PTPRD: variants seen among roughly 807,000 people sequenced by gnomAD.
The protein encoded by PTPRD is protein tyrosine phosphatase receptor type D.
PTPRD carries 34 observed loss-of-function variants against 214.5 expected under a neutral mutation model. The observed-to-expected ratio is 0.16, with a 90% CI of 0.12 to 0.21. The LOEUF is 0.21. Among genes scored for constraint, PTPRD ranks in the 10% least tolerant of loss-of-function variants. The probability of loss-of-function intolerance (pLI) is 1.00; values close to 1 mark genes in which losing one functional copy is unlikely to be tolerated. For missense variants in PTPRD, 2,545 were observed against 2,398.7 expected (o/e 1.06, Z -1.27); for synonymous variants, 1,128 against 845.7 (o/e 1.33, Z -5.79).
intron 6 of PTPRD, among the ~76,000 whole-genome samples, chr9:9,743,493 G>C (rs1204134523): frequency 6.6e-6 from 1 of 152,052 alleles, no homozygotes; most frequent in African/African-American, 2.4e-5. Flanking sequence ...ACTCAAGTGA[G>C]GGCTTAATAT....
At chr9:9,450,651 T>G (rs1372500285) in intron 8 of PTPRD, among the ~76,000 whole-genome samples, 1 of 151,864 alleles carries the variant, frequency 6.6e-6, no homozygotes. Flanking sequence ...ATTTACATAA[T>G]GAAAATGTTT....
chr9:9,416,080 C>G (rs958439682), intron 8 of PTPRD, among the ~76,000 whole-genome samples: 3 of 152,114 alleles, frequency 2.0e-5, no homozygotes, highest in African/African-American at 7.2e-5. Context: ...AATAAATTGC[C>G]AAGTCCAGTT....
intron 4 of PTPRD, among the ~76,000 whole-genome samples, chr9:9,962,986 A>G (rs541251972): frequency 6.6e-6 from 1 of 152,186 alleles, no homozygotes; most frequent in South Asian, 2.1e-4. Context: ...GTACCATTAT[A>G]GTAGTACTTT....
intron 8 of PTPRD, among the ~76,000 whole-genome samples, chr9:9,457,198 C>T (rs1488103892): frequency 1.3e-5 from 2 of 151,926 alleles, no homozygotes; most frequent in Non-Finnish European, 2.9e-5. Context: ...CTGTTACCCT[C>T]CTTGCTTATT....
chr9:10,144,157 C>T (rs1425047661), intron 3 of PTPRD, among the ~76,000 whole-genome samples: 1 of 152,006 alleles, frequency 6.6e-6, no homozygotes, highest in Non-Finnish European at 1.5e-5. Flanking sequence ...ATATTGTCAA[C>T]ATTTTCACAA....
intron 37 of PTPRD, among the ~76,000 whole-genome samples, chr9:8,386,758 A>G (rs921540693): frequency 6.6e-6 from 1 of 152,202 alleles, no homozygotes; most frequent in South Asian, 2.1e-4. Flanking sequence ...AGCCAATTCC[A>G]GCTCTTGTTT....
chr9:8,602,618 TC>T (rs1329471512), intron 14 of PTPRD, among the ~76,000 whole-genome samples: 2 of 152,220 alleles, frequency 1.3e-5, no homozygotes, highest in Non-Finnish European at 2.9e-5. Context: ...CTTCAACATC[TC>T]TTTGTAATAG....
intron 5 of PTPRD, among the ~76,000 whole-genome samples, chr9:9,846,961 G>A (rs1006807011): frequency 6.6e-6 from 1 of 152,032 alleles, no homozygotes; most frequent in Non-Finnish European, 1.5e-5. Context: ...CTAGCAGGGA[G>A]AATATCATGC....
At chr9:10,224,791 C>A (rs952443343) in intron 3 of PTPRD, among the ~76,000 whole-genome samples, 1 of 151,988 alleles carries the variant, frequency 6.6e-6, no homozygotes, top group Non-Finnish European at 1.5e-5. Context: ...AGTATGAACA[C>A]AATGAGGATG....
At chr9:8,951,026 T>A (rs919690250) in intron 11 of PTPRD, among the ~76,000 whole-genome samples, 1 of 152,126 alleles carries the variant, frequency 6.6e-6, no homozygotes, top group Admixed American at 6.6e-5. Context: ...TAAAGATATG[T>A]TTTTGGAATC....
intron 3 of PTPRD, among the ~76,000 whole-genome samples, chr9:10,171,682 G>T (rs1593090914): frequency 6.6e-6 from 1 of 151,956 alleles, no homozygotes; most frequent in African/African-American, 2.4e-5. Context: ...CCGCTACCAC[G>T]CCCGGCTAAT....
intron 10 of PTPRD, among the ~76,000 whole-genome samples, chr9:9,099,111 A>T (rs1453758030): frequency 6.6e-6 from 1 of 152,246 alleles, no homozygotes; most frequent in Non-Finnish European, 1.5e-5. Context: ...AATTGTGCAT[A>T]TGTTTACAAA....
intron 5 of PTPRD, among the ~76,000 whole-genome samples, chr9:9,791,784 C>T (rs183181877): frequency 1.3e-5 from 2 of 152,210 alleles, no homozygotes; most frequent in African/African-American, 2.4e-5. Context: ...TTACAAAAAT[C>T]GAGAAATCAT....
intron 2 of PTPRD, among the ~76,000 whole-genome samples, chr9:10,449,653 G>C (rs1412527650): frequency 6.6e-6 from 1 of 151,056 alleles, no homozygotes; most frequent in African/African-American, 2.4e-5. Context: ...CCGCCGCCCC[G>C]TCTGGGATGT....
intron 3 of PTPRD, among the ~76,000 whole-genome samples, chr9:10,178,869 C>T (rs1484669454): frequency 6.6e-6 from 1 of 151,704 alleles, no homozygotes; most frequent in Non-Finnish European, 1.5e-5. Flanking sequence ...TAAAATGTCC[C>T]GGTTGAAACT....
chr9:9,821,769 T>C (rs966560376), intron 5 of PTPRD, among the ~76,000 whole-genome samples: 1 of 151,810 alleles, frequency 6.6e-6, no homozygotes, highest in Non-Finnish European at 1.5e-5. Context: ...CATTGGCCAA[T>C]ACCACATAGA....
At chr9:8,530,049 C>G (rs1348399227) in intron 14 of PTPRD, among the ~76,000 whole-genome samples, 1 of 152,056 alleles carries the variant, frequency 6.6e-6, no homozygotes, top group African/African-American at 2.4e-5. Context: ...ATCATCAGAT[C>G]TGGCATATCG....
At chr9:10,314,674 A>G (rs1410289220) in intron 3 of PTPRD, among the ~76,000 whole-genome samples, 5 of 151,944 alleles carry the variant, frequency 3.3e-5, no homozygotes, top group African/African-American at 9.7e-5. Flanking sequence ...AATAGATGAT[A>G]CAGATAAATA....
chr9:8,363,117 G>C (rs1361826879), intron 39 of PTPRD, among the ~76,000 whole-genome samples: 1 of 152,144 alleles, frequency 6.6e-6, no homozygotes, highest in Non-Finnish European at 1.5e-5. Context: ...GTCTCTGTTT[G>C]TCCATACAAA....
Sources: gnomAD v4.1 joint callset for allele counts (sites outside exome capture counted in the v4.1 genomes callset) on GRCh38, gnomAD v4.1.1 for gene constraint, MANE v1.5 for transcripts, NCBI Gene and HGNC (gene_info 2026-07-23, HGNC 2026-07-21) for gene names.